Variants in TAB2 observed in about 807,000 individuals in gnomAD.
TAB2 encodes TGF-beta-activated kinase 1 and MAP3K7-binding protein 2.
Under a neutral mutation model 65.0 loss-of-function variants are expected in TAB2, and 3 were observed. That is an observed-to-expected ratio of 0.05 (90% CI 0.02 to 0.12). TAB2 has a LOEUF of 0.12. TAB2 is among the 10% of genes least tolerant of loss of function. The pLI is 1.00. For missense variants in TAB2, 623 were observed against 840.3 expected, an observed-to-expected ratio of 0.74 and a Z score of 3.20; for synonymous variants, 298 against 285.1, an observed-to-expected ratio of 1.05 and a Z score of -0.46.
chr6:149,321,093 G>A (rs1779441692), intron 1 of TAB2: 1 of 152,212 alleles, frequency 6.6e-6, no homozygotes, highest in Non-Finnish European at 1.5e-5. Flanking sequence ...TGTGGGTAGT[G>A]GTGGCTGCCA....
chr6:149,344,580 T>C (rs1167243783), intron 1 of TAB2, among the ~76,000 whole-genome samples: 1 of 152,110 alleles, frequency 6.6e-6, no homozygotes, highest in Non-Finnish European at 1.5e-5. Context: ...AGGGGTGTGA[T>C]GGGAGATGGA....
intron 1 of TAB2, among the ~76,000 whole-genome samples, chr6:149,283,596 G>A (rs1396674996): frequency 2.6e-5 from 4 of 152,096 alleles, no homozygotes; most frequent in African/African-American, 9.7e-5. Context: ...TGTAATCTCA[G>A]CTATTCGGGA....
chr6:149,308,851 T>C (rs1465599471), intron 1 of TAB2, among the ~76,000 whole-genome samples: 2 of 152,140 alleles, frequency 1.3e-5, no homozygotes, highest in African/African-American at 2.4e-5. Flanking sequence ...AAAAATTCTC[T>C]GTGCCTTGTG....
chr6:149,322,213 G>A lies in TAB2; in HGVS notation c.-90+4198G>A, dbSNP rs116035248. On this transcript the variant is annotated intron_variant, in intron 1 of 6. Transcript: ENST00000637181. ...TGTTTTCATATAGTTTACATTTAGT[G>A]GTAAAAGACTTAATAAATGAGTACA... is the stretch of plus-strand genomic sequence containing the variant. Among the ~76,000 whole-genome samples, 1,027 of 152,140 alleles carry A rather than the reference G, an allele frequency of 6.8e-3. 9 individuals are homozygous for A. Among genetic ancestry groups the A allele is most frequent in the African/African-American group, 0.024 (977 of 41,520 alleles).
chr6:149,289,409 C>T (rs1180355125), intron 1 of TAB2, among the ~76,000 whole-genome samples: 1 of 150,052 alleles, frequency 6.7e-6, no homozygotes, highest in Non-Finnish European at 1.5e-5. Context: ...AAAAAAAAGG[C>T]CAAAGTCCTT....
intron 1 of TAB2, among the ~76,000 whole-genome samples, chr6:149,261,684 A>G (rs2114667666): frequency 6.6e-6 from 1 of 152,336 alleles, no homozygotes; most frequent in East Asian, 1.9e-4. Flanking sequence ...ACAACACCCC[A>G]TGGATGTCTG....
chr6:149,347,733 A>G (rs1562426602), intron 1 of TAB2, among the ~76,000 whole-genome samples: 1 of 152,104 alleles, frequency 6.6e-6, no homozygotes, highest in Non-Finnish European at 1.5e-5. Flanking sequence ...TATAAAAAGT[A>G]AATTTTAAAA....
rs142354082 is a variant in TAB2 at position 149,244,948 on chromosome 6, A to C, written c.-121+26172A>C. 2.6e-5 allele frequency: 4 copies of C among 151,984 alleles called. No individual in the cohort carries two copies. The East Asian group carries it at 7.7e-4, about 29-fold the overall frequency. The allele number at this position is 151,984 out of a possible 1,614,324, so 9.4% of individuals were successfully genotyped here. On this transcript the variant is annotated intron_variant, in intron 1 of 1. Transcript: ENST00000606202. Reference sequence around the variant, plus strand: ...ATCTGTACACAGTTTTAGATGTATTAACTCATTTAATTCTCTCAAGACCTC... The same window carrying C: ...ATCTGTACACAGTTTTAGATGTATTCACTCATTTAATTCTCTCAAGACCTC...
intron 1 of TAB2, among the ~76,000 whole-genome samples, chr6:149,232,894 C>T (rs1777431482): frequency 6.6e-6 from 1 of 152,136 alleles, no homozygotes; most frequent in South Asian, 2.1e-4. Flanking sequence ...CTGTCGTACC[C>T]CTGGCCCATC....
In TAB2 at chr6:149,378,570, A is replaced by G. The variant is rs1339642661; in HGVS notation, c.655A>G (p.Ile219Val). Reference protein sequence around the residue: ...QGNSIYIRPYITTPGGTTRQT... With the variant: ...QGNSIYIRPYVTTPGGTTRQT... ...AAATTCTATCTATATTAGGCCTTAC[A>G]TTACAACTCCTGGTGGTACAACTCG... Residue 219 changes from isoleucine (I) to valine (V), a missense_variant, in exon 3 of 7, where the codon ATT (isoleucine) becomes GTT (valine). Physicochemically the swap from Ile to Val is conservative, Grantham distance 29. Coordinates refer to ENST00000637181, the MANE Select transcript of TAB2 (RefSeq NM_001292034.3). 5 of 1,613,964 alleles carry G rather than the reference A, an allele frequency of 3.1e-6. No individual in the cohort carries two copies. The South Asian group carries it at 3.3e-5, about 11-fold the overall frequency.
chr6:149,354,110 A>G lies in TAB2; in HGVS notation c.-89-15799A>G, dbSNP rs574957850. ...CTTTATAACATTCATCAAAACCTCA[A>G]TTATGTGCATCTAATTGGTCCCAGC... On this transcript the variant is annotated intron_variant, in intron 1 of 6. Coordinates refer to ENST00000637181, the MANE Select transcript of TAB2 (RefSeq NM_001292034.3). Among the ~76,000 whole-genome samples, 6 of 152,342 alleles carry G rather than the reference A, an allele frequency of 3.9e-5. No individual in the cohort carries two copies. In the South Asian group the frequency reaches 8.3e-4, roughly 21 times the overall value.
rs9377213 is a variant in TAB2, at chr6:149,384,226, A to G, written c.1603+4708A>G. Among the ~76,000 whole-genome samples, 65 of 152,354 alleles carry G rather than the reference A, an allele frequency of 4.3e-4. No homozygotes were observed. The East Asian group carries it at 0.012, about 28-fold the overall frequency. On this transcript the variant is annotated intron_variant, in intron 3 of 6. Coordinates refer to ENST00000637181, the MANE Select transcript of TAB2 (RefSeq NM_001292034.3). The stretch of plus-strand genomic sequence containing the variant: ...CAAATTGAGAAGGGAACATACGTAC[A>G]TACATAAATTTGGTAACCAAAATGC...
At chr6:149,284,714 C>T (rs997619053) in intron 1 of TAB2, among the ~76,000 whole-genome samples, 1 of 150,700 alleles carries the variant, frequency 6.6e-6, no homozygotes, top group Admixed American at 6.6e-5. Flanking sequence ...ACAATCTATC[C>T]CAACTCATGG....
At chr6:149,285,920 T>C (rs1481799740) in intron 1 of TAB2, among the ~76,000 whole-genome samples, 2 of 152,190 alleles carry the variant, frequency 1.3e-5, no homozygotes, top group African/African-American at 4.8e-5. Flanking sequence ...ATGCATCTAC[T>C]GCCGCTCTGA....
intron 1 of TAB2, among the ~76,000 whole-genome samples, chr6:149,306,369 T>TGG (rs1280983982): frequency 7.3e-5 from 11 of 151,510 alleles, no homozygotes; most frequent in African/African-American, 2.7e-4. Flanking sequence ...TGAAACCCCG[T>TGG]CTCCACTAAA....
intron 1 of TAB2, among the ~76,000 whole-genome samples, chr6:149,280,267 A>T (rs1347598965): frequency 6.6e-6 from 1 of 152,176 alleles, no homozygotes; most frequent in Admixed American, 6.5e-5. Flanking sequence ...GGTTGTGAAG[A>T]TTAAATGATT....
intron 1 of TAB2, among the ~76,000 whole-genome samples, chr6:149,338,139 A>G (rs974023157): frequency 6.6e-6 from 1 of 152,214 alleles, no homozygotes; most frequent in Non-Finnish European, 1.5e-5. Context: ...TCTCCCAGCA[A>G]GGTCTGAGGT....
At chr6:149,289,051 G>T (rs1382733552) in intron 1 of TAB2, among the ~76,000 whole-genome samples, 1 of 151,758 alleles carries the variant, frequency 6.6e-6, no homozygotes, top group Non-Finnish European at 1.5e-5. Flanking sequence ...TAGAGATGGG[G>T]TTTTGCCATG....
chr6:149,245,870 G>A (rs1034386194), intron 1 of TAB2, among the ~76,000 whole-genome samples: 3 of 152,000 alleles, frequency 2.0e-5, no homozygotes, highest in Non-Finnish European at 4.4e-5. Flanking sequence ...AAATACTTCT[G>A]TCTATACATT....
Sources: gnomAD v4.1 joint callset for allele counts (sites outside exome capture counted in the v4.1 genomes callset) on GRCh38, gnomAD v4.1.1 for gene constraint, MANE v1.5 for transcripts, NCBI Gene and HGNC (gene_info 2026-07-23, HGNC 2026-07-21) for gene names.